The following METTL3 variants were observed in gnomAD, a reference collection of about 807,000 sequenced individuals.
The protein encoded by METTL3 is N(6)-adenosine-methyltransferase catalytic subunit METTL3.
METTL3 carries 42 observed loss-of-function variants against 64.3 expected under a neutral mutation model. The ratio of observed to expected loss-of-function variants is 0.65; its 90% CI spans 0.51 to 0.84. The LOEUF (loss-of-function observed/expected upper bound fraction) is 0.84, where lower values mean the gene tolerates loss of function less well. METTL3 is among the 40% of genes least tolerant of loss of function. METTL3 has a pLI of 0.00. For synonymous variants in METTL3, 256 were observed against 263.6 expected (o/e 0.97, Z 0.28); for missense variants, 435 against 722.3 (o/e 0.60, Z 4.56).
In METTL3 at chr14:21,499,274, G is replaced by A. The variant is rs771412995; in HGVS notation, c.1518+32C>T. On this transcript the variant is annotated intron_variant, in intron 9 of 10. Transcript: ENST00000298717. ...ATGAATAACTGATACCAACAAAAAT[G>A]TGGAAGCTTTGGAGGCCTGGGAAGC... is the stretch of plus-strand genomic sequence containing the variant. 13 of 1,613,206 alleles carry A rather than the reference G, an allele frequency of 8.1e-6. No individual in the cohort carries two copies. The Admixed American group carries it at 2.0e-4, about 25-fold the overall frequency.
At position 21,498,334 on chromosome 14, in the gene METTL3, A is replaced by G. The variant is rs759112453; in HGVS notation, c.1667T>C (p.Leu556Pro). 1 of 1,614,176 alleles carries G rather than the reference A, an allele frequency of 6.2e-7. No homozygotes were observed. The highest frequency in any genetic ancestry group is 8.5e-7 in the Non-Finnish European group (1 of 1,180,018). Residue 556 changes from leucine to proline, a missense_variant, in exon 11 of 11, where the codon CTA becomes CCA. Leu to Pro is a moderately conservative substitution (Grantham distance 98). Coordinates refer to ENST00000298717, the MANE Select transcript of METTL3 (RefSeq NM_019852.5). Reference protein sequence around the residue: ...TLGNQLDGIHLLDPDVVARFK... With the variant: ...TLGNQLDGIHPLDPDVVARFK... ...CCGTGCAACCACATCTGGGTCTAGT[A>G]GGTGGATCCCATCCAGTTGGTTTCC...
At position 21,500,371 on chromosome 14, in the gene METTL3, GAAAA is replaced by G. The variant is rs1481288261; in HGVS notation, c.1304+120_1304+123del. ...ACAGTGAGACTCTCTCAAAAAAAAA[GAAAA>G]AAAGACTAAATCAGTCATACATTTA... On this transcript the variant is annotated intron_variant, in intron 6 of 10. Coordinates refer to ENST00000298717, the MANE Select transcript of METTL3 (RefSeq NM_019852.5). The G allele has an allele frequency of 5.1e-6, 4 of 778,656 alleles. 1 individual carries two copies. The highest frequency in any genetic ancestry group is 3.8e-5 in the African/African-American group (2 of 52,240). The allele number at this position is 778,656 out of a possible 1,614,324, so 48.2% of individuals were successfully genotyped here.
chr14:21,510,971 A>ACGT, intron 1 of METTL3, 153 bp downstream of exon 1: 2 of 833,898 alleles, frequency 2.4e-6, no homozygotes, highest in Non-Finnish European at 3.5e-6. Flanking sequence ...AGAAGGGCGA[A>ACGT]CGTCTGCTGC....
rs1272308183 is a variant in METTL3 at position 21,503,888 on chromosome 14, ATGAAG to A, written c.101-12_101-8del. The A allele has an allele frequency of 6.2e-7, 1 of 1,612,776 alleles. No homozygotes were observed. The highest frequency in any genetic ancestry group is 8.5e-7 in the Non-Finnish European group (1 of 1,179,318). On this transcript the variant is annotated splice_polypyrimidine_tract_variant and splice_region_variant and intron_variant, in intron 1 of 10. Transcript: ENST00000298717. ...GCCTCTGGATTCCGTAGATCTAAGA[ATGAAG>A]AGAAGTGAAAATGAAAAAAGGCAAC...
Position 21,503,413 on chromosome 14 carries a change from T to C in METTL3, c.483A>G (p.Ala161=), listed in dbSNP as rs775713515. 1 of 1,614,176 alleles carries C rather than the reference T, an allele frequency of 6.2e-7. No homozygotes were observed. The highest frequency in any genetic ancestry group is 1.1e-5 in the South Asian group (1 of 91,082). Residue 161 remains alanine (A), a synonymous_variant, in exon 3 of 11, where the codon GCA becomes GCG. Coordinates refer to ENST00000298717, the MANE Select transcript of METTL3 (RefSeq NM_019852.5). ...SKLSAMMGAV[A]EKKGPGEVAG... ...CTACCTCCCCAGGGCCCTTCTTTTC[T>C]GCCACAGCACCCATCATGGCAGAGA... is the stretch of plus-strand genomic sequence containing the variant.
At chr14:21,506,195 A>C (rs1369478009) in intron 1 of METTL3, among the ~76,000 whole-genome samples, 1 of 152,072 alleles carries the variant, frequency 6.6e-6, no homozygotes, top group Non-Finnish European at 1.5e-5. Context: ...TTCCTCAAAA[A>C]TCAAAAATAG....
rs1357779203 is a variant in METTL3, at chr14:21,500,500, T to G, written c.1299A>C (p.Thr433=). The G allele has an allele frequency of 6.2e-7, 1 of 1,614,172 alleles. No individual in the cohort carries two copies. Among genetic ancestry groups the G allele is most frequent in the South Asian group, 1.1e-5 (1 of 91,092 alleles). ...ACGTAACTGAATTGCATTACCTGCCTGTGACCCAGAGGAAGAGAAAGCCAT... is the reference window on the plus strand; with the variant it reads ...ACGTAACTGAATTGCATTACCTGCCGGTGACCCAGAGGAAGAGAAAGCCAT... ...QDDGFLFLWV[T]GRAMELGREC... The change falls in exon 6 of 11, where the codon ACA becomes ACC. Residue 433 remains threonine, a synonymous_variant. Transcript: ENST00000298717.
intron 10 of METTL3, chr14:21,498,713 A>C (rs1279133121): frequency 1.1e-5 from 5 of 458,114 alleles, no homozygotes; most frequent in African/African-American, 3.9e-5. Context: ...AATTATTGAC[A>C]GATTAAATAG....
intron 4 of METTL3, chr14:21,501,350 T>TACC: frequency 1.7e-6 from 1 of 572,946 alleles, no homozygotes; most frequent in Non-Finnish European, 3.1e-6. Flanking sequence ...TTTCCTGTTT[T>TACC]ACCACTGGAA....
intron 4 of METTL3, chr14:21,501,491 T>A: frequency 1.7e-6 from 1 of 585,116 alleles, no homozygotes; most frequent in Non-Finnish European, 3.0e-6. Context: ...ACAGACATAC[T>A]TTGCTATTCT....
chr14:21,507,256 T>A (rs1891720471), intron 1 of METTL3, among the ~76,000 whole-genome samples: 1 of 152,166 alleles, frequency 6.6e-6, no homozygotes, highest in Admixed American at 6.5e-5. Flanking sequence ...TTGCCCATAT[T>A]ATTTTCCACT....
rs1277438745 is a variant in METTL3, at chr14:21,501,198, G to A, written c.900-69C>T. The A allele has an allele frequency of 3.3e-6, 4 of 1,224,284 alleles. No homozygotes were observed. In the African/African-American group the frequency reaches 4.6e-5, roughly 14 times the overall value. The allele number at this position is 1,224,284 out of a possible 1,614,324, so 75.8% of individuals were successfully genotyped here. On this transcript the variant is annotated intron_variant, in intron 4 of 10. Coordinates refer to ENST00000298717, the MANE Select transcript of METTL3 (RefSeq NM_019852.5). ...AGATCCAACAGTTCAAATTCCAAAT[G>A]ATTTCAAAATGTCTATTTTATTACC...
At chr14:21,509,859 C>T (rs1340790037) in intron 1 of METTL3, among the ~76,000 whole-genome samples, 1 of 152,218 alleles carries the variant, frequency 6.6e-6, no homozygotes, top group Non-Finnish European at 1.5e-5. Flanking sequence ...AAAATTCTCC[C>T]TCTTAGGTAA....
chr14:21,498,235 C>T lies in METTL3; in HGVS notation c.*23G>A. 3 of 1,376,340 alleles carry T rather than the reference C, an allele frequency of 2.2e-6. No homozygotes were observed. The East Asian group carries it at 6.9e-5, about 31-fold the overall frequency. 85.3% of individuals were successfully genotyped at this position (1,376,340 alleles called of 1,614,324 possible). A position where few individuals can be genotyped will look rare whatever the true frequency, so the allele number is the denominator to read the frequency against. ...GCTTACAGAGCCATGGCTATGGATT[C>T]TTAGCTCTGTAAGGAAGTGCTTCTA... On this transcript the variant is annotated 3_prime_UTR_variant, in exon 11 of 11. Coordinates refer to ENST00000298717, the MANE Select transcript of METTL3 (RefSeq NM_019852.5).
chr14:21,511,006 G>A (rs1258529287), intron 1 of METTL3, 118 bp downstream of exon 1: 45 of 1,193,808 alleles, frequency 3.8e-5, no homozygotes, highest in Non-Finnish European at 4.8e-5. Context: ...GAGTACCAAT[G>A]TACGAGGCTT....
Position 21,511,300 on chromosome 14 carries a change from G to A in METTL3, c.-77C>T, listed in dbSNP as rs548000961. On this transcript the variant is annotated 5_prime_UTR_variant, in exon 1 of 11. Coordinates refer to ENST00000298717, the MANE Select transcript of METTL3 (RefSeq NM_019852.5). ...CTCCCAGCACTCGCTCCAGGATATA[G>A]CCAATTCTCACGCGGACACCCCGAA... 6.6e-7 allele frequency: 1 copy of A among 1,526,480 alleles called. No homozygotes were observed. The highest frequency in any genetic ancestry group is 1.2e-5 in the South Asian group (1 of 81,764). 94.6% of individuals were successfully genotyped at this position (1,526,480 alleles called of 1,614,324 possible). A position where few individuals can be genotyped will look rare whatever the true frequency, so the allele number is the denominator to read the frequency against.
intron 1 of METTL3, among the ~76,000 whole-genome samples, chr14:21,508,723 C>T (rs982712125): frequency 6.6e-6 from 1 of 152,016 alleles, no homozygotes; most frequent in Non-Finnish European, 1.5e-5. Context: ...GGAGAAACCC[C>T]GTCTCTACTA....
chr14:21,506,751 G>A (rs1216430112), intron 1 of METTL3, among the ~76,000 whole-genome samples: 4 of 151,998 alleles, frequency 2.6e-5, no homozygotes, highest in African/African-American at 9.7e-5. Flanking sequence ...GCCAGGCATG[G>A]AGGCTTATGC....
intron 1 of METTL3, among the ~76,000 whole-genome samples, chr14:21,509,223 C>T (rs1891772415): frequency 6.6e-6 from 1 of 152,054 alleles, no homozygotes; most frequent in Admixed American, 6.5e-5. Flanking sequence ...GCCTGTGGCC[C>T]CAGCTACTTG....
Sources: allele counts gnomAD v4.1 joint callset (sites outside exome capture counted in the v4.1 genomes callset), GRCh38; gene constraint gnomAD v4.1.1; transcripts MANE v1.5; gene names NCBI Gene and HGNC (gene_info 2026-07-23, HGNC 2026-07-21).